The following CAB39L variants were observed in gnomAD, a reference collection of about 807,000 sequenced individuals.
CAB39L encodes the protein calcium-binding protein 39-like.
CAB39L carries 23 observed loss-of-function variants against 39.1 expected under a neutral mutation model. The ratio of observed to expected loss-of-function variants is 0.59; its 90% CI spans 0.42 to 0.83. The LOEUF (loss-of-function observed/expected upper bound fraction) is 0.83. Ranked by LOEUF, CAB39L falls within the 40% of genes least tolerant of loss-of-function variation. CAB39L has a pLI of 0.00. For synonymous variants in CAB39L, 126 were observed against 137.2 expected (o/e 0.92, Z 0.57); for missense variants, 366 against 391.9 (o/e 0.93, Z 0.56).
chr13:49,326,784 CA>C (rs1016523622), intron 10 of CAB39L, among the ~76,000 whole-genome samples: 2 of 152,112 alleles, frequency 1.3e-5, no homozygotes, highest in African/African-American at 4.8e-5. Flanking sequence ...TTAGGTGACC[CA>C]AATTCTGATC....
intron 5 of CAB39L, among the ~76,000 whole-genome samples, chr13:49,361,644 GCTAA>G (rs1424934533): frequency 4.6e-5 from 7 of 152,208 alleles, no homozygotes; most frequent in African/African-American, 1.7e-4. Flanking sequence ...AGTCTCATCA[GCTAA>G]CTATCACTTC....
chr13:49,338,988 C>G (rs1954925787), intron 9 of CAB39L, among the ~76,000 whole-genome samples: 1 of 151,856 alleles, frequency 6.6e-6, no homozygotes, highest in East Asian at 1.9e-4. Flanking sequence ...AAAACAGAAG[C>G]CCCATAACAT....
chr13:49,413,503 C>T (rs999258893), intron 3 of CAB39L, among the ~76,000 whole-genome samples: 2 of 151,860 alleles, frequency 1.3e-5, no homozygotes, highest in East Asian at 1.9e-4. Context: ...AATGCAAAGA[C>T]TGGAATGAAA....
intron 6 of CAB39L, chr13:49,351,229 A>C (rs7991335): frequency 0.33 from 64,571 of 194,444 alleles, 12,532 homozygotes; most frequent in East Asian, 0.53. Context: ...AACTGTTGAC[A>C]ATAAAATACG....
intron 6 of CAB39L, among the ~76,000 whole-genome samples, chr13:49,352,233 TACA>T (rs1955377418): frequency 2.6e-5 from 4 of 151,930 alleles, no homozygotes; most frequent in African/African-American, 7.3e-5. Flanking sequence ...CCATTTCTAA[TACA>T]ACAACAATCT....
At chr13:49,352,047 A>G (rs1249272073) in intron 6 of CAB39L, among the ~76,000 whole-genome samples, 6 of 152,174 alleles carry the variant, frequency 3.9e-5, no homozygotes, top group African/African-American at 1.4e-4. Context: ...TAGGAAAAAG[A>G]TAGGAGAGAC....
chr13:49,388,509 A>G (rs1050887217), intron 3 of CAB39L, among the ~76,000 whole-genome samples: 1 of 152,240 alleles, frequency 6.6e-6, no homozygotes, highest in Non-Finnish European at 1.5e-5. Flanking sequence ...TAGAGTTCTG[A>G]TAAGTAAAGT....
chr13:49,432,430 C>T (rs149685755), intron 3 of CAB39L, among the ~76,000 whole-genome samples: 2 of 152,298 alleles, frequency 1.3e-5, no homozygotes, highest in African/African-American at 4.8e-5. Context: ...GCTACTGCAA[C>T]TGGCCATAAA....
At chr13:49,337,203 T>C (rs139981598) in intron 9 of CAB39L, among the ~76,000 whole-genome samples, 21 of 152,360 alleles carry the variant, frequency 1.4e-4, no homozygotes, top group African/African-American at 4.3e-4. Flanking sequence ...CATTGTTCTA[T>C]GAATGCCATC....
intron 7 of CAB39L, among the ~76,000 whole-genome samples, chr13:49,345,784 C>G (rs1455423664): frequency 1.3e-5 from 2 of 152,006 alleles, no homozygotes; most frequent in African/African-American, 4.8e-5. Context: ...AGTTCTCTAC[C>G]TGCTTCAACT....
chr13:49,376,021 T>C (rs968680813), intron 5 of CAB39L, among the ~76,000 whole-genome samples: 31 of 152,340 alleles, frequency 2.0e-4, no homozygotes, highest in African/African-American at 5.8e-4. Context: ...GCTGCTAAAA[T>C]CTTCCCTGGT....
chr13:49,405,890 A>G (rs1956866874), intron 3 of CAB39L, among the ~76,000 whole-genome samples: 1 of 152,156 alleles, frequency 6.6e-6, no homozygotes, highest in Non-Finnish European at 1.5e-5. Context: ...ACATTATGTT[A>G]AGTGAAATAA....
At chr13:49,331,382 C>T (rs1010176298) in intron 10 of CAB39L, among the ~76,000 whole-genome samples, 1 of 152,044 alleles carries the variant, frequency 6.6e-6, no homozygotes, top group Non-Finnish European at 1.5e-5. Context: ...AGGAGAATCG[C>T]TTTAACCTGG....
Position 49,378,040 on chromosome 13 carries a change from C to G in CAB39L, c.112-909G>C, listed in dbSNP as rs1238068319. Among the ~76,000 whole-genome samples, 3 of 82,906 alleles carry G rather than the reference C, an allele frequency of 3.6e-5. 1 individual carries two copies. The highest frequency in any genetic ancestry group is 2.2e-4 in the African/African-American group (3 of 13,686). The allele number at this position is 82,906 out of a possible 152,430, so 54.4% of individuals were successfully genotyped here. ...GGATGTGAGGAGTGCCTCTGCCCGG[C>G]CGAGACCCCGTCTGGGAGGTGAGGA... On this transcript the variant is annotated intron_variant, in intron 4 of 10. Transcript: ENST00000409308.
chr13:49,389,801 A>G (rs566102554), intron 3 of CAB39L, among the ~76,000 whole-genome samples: 2 of 152,252 alleles, frequency 1.3e-5, no homozygotes, highest in African/African-American at 4.8e-5. Context: ...ATCCTTCCTA[A>G]CATTTGGACC....
chr13:49,358,004 T>C (rs138409879), intron 6 of CAB39L, among the ~76,000 whole-genome samples: 1 of 152,204 alleles, frequency 6.6e-6, no homozygotes, highest in South Asian at 2.1e-4. Flanking sequence ...GAAATGGCAA[T>C]GAACAAAGTG....
Position 49,309,450 on chromosome 13 carries a change from A to G in CAB39L, c.*1364T>C, listed in dbSNP as rs1292700471. 2.6e-5 allele frequency: 4 copies of G among 152,128 alleles called. No homozygotes were observed. 9.4% of individuals were successfully genotyped at this position (152,128 alleles called of 1,614,324 possible). A position where few individuals can be genotyped will look rare whatever the true frequency, so the allele number is the denominator to read the frequency against. ...CCTGGCTGAAGAAAAACTACACAAC[A>G]CTCAAGTAATGTATAAGGGAGGGTT... On this transcript the variant is annotated 3_prime_UTR_variant, in exon 11 of 11. Transcript: ENST00000409308.
At chr13:49,393,156 T>C (rs1594047184) in intron 3 of CAB39L, 2 of 152,210 alleles carry the variant, frequency 1.3e-5, no homozygotes, top group East Asian at 1.9e-4. Context: ...GACAATATGA[T>C]TATATACCTA....
chr13:49,444,017 A>T lies in CAB39L; in HGVS notation c.-277T>A, dbSNP rs1218913472. 1 of 456,620 alleles carries T rather than the reference A, an allele frequency of 2.2e-6. No individual in the cohort carries two copies. The highest frequency in any genetic ancestry group is 2.0e-5 in the African/African-American group (1 of 50,104). The allele number at this position is 456,620 out of a possible 1,614,324, so 28.3% of individuals were successfully genotyped here. A position where few individuals can be genotyped will look rare whatever the true frequency, so the allele number is the denominator to read the frequency against. On this transcript the variant is annotated 5_prime_UTR_variant, in exon 1 of 11. Coordinates refer to ENST00000409308, the MANE Select transcript of CAB39L (RefSeq NM_001079670.3). Reference sequence around the variant, plus strand: ...AAACAGCTGCGCCACCACTCCAGTGATGCCGGCCTCTCGACTACGAGTAAC... The same window carrying T: ...AAACAGCTGCGCCACCACTCCAGTGTTGCCGGCCTCTCGACTACGAGTAAC...
Sources: gnomAD v4.1 joint callset for allele counts (sites outside exome capture counted in the v4.1 genomes callset) on GRCh38, gnomAD v4.1.1 for gene constraint, MANE v1.5 for transcripts, NCBI Gene and HGNC (gene_info 2026-07-23, HGNC 2026-07-21) for gene names.